Variants in KCNQ1OT1 observed in about 807,000 individuals in gnomAD.
KCNQ1OT1 encodes the protein KCNQ1 opposite strand/antisense transcript 1.
At chr11:2,619,069 G>C in exon 1 of KCNQ1OT1, 1 of 398,408 alleles carries the variant, frequency 2.5e-6, no homozygotes, top group Non-Finnish European at 4.4e-6. Context: ...CTAACAGGTT[G>C]CTTTGTCAGA....
chr11:2,671,826 G>A lies in KCNQ1OT1; in HGVS notation n.28169C>T. On this transcript the variant is annotated non_coding_transcript_exon_variant, in exon 1 of 1. Transcript: ENST00000597346. The surrounding 1 kb of genome is among the most constrained non-coding windows in gnomAD (Gnocchi z 4.7). ...CCAAATAAATCCCTGCAACCCCACT[G>A]TGGTTATAGGTCTGAGCCTTCTGCC... 2.5e-6 allele frequency: 1 copy of A among 398,770 alleles called. No individual in the cohort carries two copies. The highest frequency in any genetic ancestry group is 4.4e-5 in the Admixed American group (1 of 22,746). The allele number at this position is 398,770 out of a possible 1,614,324, so 24.7% of individuals were successfully genotyped here. A position where few individuals can be genotyped will look rare whatever the true frequency, so the allele number is the denominator to read the frequency against.
chr11:2,626,297 C>T lies in KCNQ1OT1; in HGVS notation n.73698G>A, dbSNP rs886885189. 8 of 398,290 alleles carry T rather than the reference C, an allele frequency of 2.0e-5. No individual in the cohort carries two copies. The highest frequency in any genetic ancestry group is 3.5e-5 in the Non-Finnish European group (8 of 226,042). The allele number at this position is 398,290 out of a possible 1,614,324, so 24.7% of individuals were successfully genotyped here. A position where few individuals can be genotyped will look rare whatever the true frequency, so the allele number is the denominator to read the frequency against. ...TAGGTAAGGATCTCAACTTCATTCT[C>T]TTGAGTTAATTTTTGTGTATGGTAT... On this transcript the variant is annotated non_coding_transcript_exon_variant, in exon 1 of 1. Coordinates refer to ENST00000597346, the Ensembl canonical transcript of KCNQ1OT1. The surrounding 1 kb of genome is among the most constrained non-coding windows in gnomAD (Gnocchi z 4.0).
exon 1 of KCNQ1OT1, chr11:2,684,878 T>G (rs1488107837): frequency 7.5e-6 from 3 of 398,576 alleles, no homozygotes; most frequent in Non-Finnish European, 1.3e-5. Flanking sequence ...GACAAAAGTT[T>G]TAGATTCTTT....
At chr11:2,629,018 A>C (rs560868633) in exon 1 of KCNQ1OT1, 4 of 398,174 alleles carry the variant, frequency 1.0e-5, no homozygotes, top group African/African-American at 2.1e-5. Context: ...CAAAATAAGC[A>C]TGTGTAATAT....
Position 2,651,834 on chromosome 11 carries a change from C to T in KCNQ1OT1, n.48161G>A, listed in dbSNP as rs1029180679. Reference sequence around the variant, plus strand: ...TTGGAATGGAGCCCACAGGACCATACCAGACAGATGCCACCACATCTTTTC... The same window carrying T: ...TTGGAATGGAGCCCACAGGACCATATCAGACAGATGCCACCACATCTTTTC... On this transcript the variant is annotated non_coding_transcript_exon_variant, in exon 1 of 1. Coordinates refer to ENST00000597346, the Ensembl canonical transcript of KCNQ1OT1. This position sits in a 1 kb window ranked among gnomAD's most constrained non-coding sequence, Gnocchi z 6.1. 1.3e-5 allele frequency: 5 copies of T among 398,540 alleles called. No homozygotes were observed. The highest frequency in any genetic ancestry group is 2.2e-5 in the Non-Finnish European group (5 of 226,102). 24.7% of individuals were successfully genotyped at this position (398,540 alleles called of 1,614,324 possible). A position where few individuals can be genotyped will look rare whatever the true frequency, so the allele number is the denominator to read the frequency against.
At position 2,663,556 on chromosome 11, in the gene KCNQ1OT1, T is replaced by G. The variant is rs1850008276; in HGVS notation, n.36439A>C. 1 of 398,678 alleles carries G rather than the reference T, an allele frequency of 2.5e-6. No individual in the cohort carries two copies. Among genetic ancestry groups the G allele is most frequent in the Non-Finnish European group, 4.4e-6 (1 of 226,086 alleles). 24.7% of individuals were successfully genotyped at this position (398,678 alleles called of 1,614,324 possible). A position where few individuals can be genotyped will look rare whatever the true frequency, so the allele number is the denominator to read the frequency against. On this transcript the variant is annotated non_coding_transcript_exon_variant, in exon 1 of 1. Coordinates refer to ENST00000597346, the Ensembl canonical transcript of KCNQ1OT1. The surrounding 1 kb of genome is among the most constrained non-coding windows in gnomAD (Gnocchi z 5.2). ...GAGAGGGGACTGTCCCTTCTCATCCTTCTGGCTGCTTGCTTCTCCTGTTGG... is the reference window on the plus strand; with the variant it reads ...GAGAGGGGACTGTCCCTTCTCATCCGTCTGGCTGCTTGCTTCTCCTGTTGG...
In KCNQ1OT1 at chr11:2,658,549, A is replaced by T. The variant is rs1253517088; in HGVS notation, n.41446T>A. Reference sequence around the variant, plus strand: ...GCTCATCTTTTATTTTCCCTACCCTAGCCCTAGAATCATCCATTCATCCAG... The same window carrying T: ...GCTCATCTTTTATTTTCCCTACCCTTGCCCTAGAATCATCCATTCATCCAG... On this transcript the variant is annotated non_coding_transcript_exon_variant, in exon 1 of 1. Coordinates refer to ENST00000597346, the Ensembl canonical transcript of KCNQ1OT1. This position sits in a 1 kb window ranked among gnomAD's most constrained non-coding sequence, Gnocchi z 4.9. 114 of 389,090 alleles carry T rather than the reference A, an allele frequency of 2.9e-4. No homozygotes were observed. In the East Asian group the frequency reaches 4.1e-3, roughly 14 times the overall value. The allele number at this position is 389,090 out of a possible 1,614,324, so 24.1% of individuals were successfully genotyped here.
In KCNQ1OT1 at chr11:2,609,293, A is replaced by G. The variant is rs112101582; in HGVS notation, n.90702T>C. The G allele has an allele frequency of 6.8e-3, 2,701 of 398,326 alleles. 57 individuals are homozygous for G. Among genetic ancestry groups the G allele is most frequent in the South Asian group, 0.054 (424 of 7,854 alleles). The allele number at this position is 398,326 out of a possible 1,614,324, so 24.7% of individuals were successfully genotyped here. On this transcript the variant is annotated non_coding_transcript_exon_variant, in exon 1 of 1. Transcript: ENST00000597346. ...TTCTTTCACCCATTGATTATTTAAG[A>G]ATGTAGTGTTGTTTAATTTCCACAT...
In KCNQ1OT1 at chr11:2,678,946, A is replaced by G. The variant is rs1244694023; in HGVS notation, n.21049T>C. 2 of 398,488 alleles carry G rather than the reference A, an allele frequency of 5.0e-6. No individual in the cohort carries two copies. The highest frequency in any genetic ancestry group is 8.8e-6 in the Non-Finnish European group (2 of 226,070). The allele number at this position is 398,488 out of a possible 1,614,324, so 24.7% of individuals were successfully genotyped here. On this transcript the variant is annotated non_coding_transcript_exon_variant, in exon 1 of 1. Coordinates refer to ENST00000597346, the Ensembl canonical transcript of KCNQ1OT1. This position sits in a 1 kb window ranked among gnomAD's most constrained non-coding sequence, Gnocchi z 4.9. ...CATCTTGGAAAAACTGAATTTGCTAACTCAATAGAGAACAAAAGAGCAAAT... is the reference window on the plus strand; with the variant it reads ...CATCTTGGAAAAACTGAATTTGCTAGCTCAATAGAGAACAAAAGAGCAAAT...
At position 2,682,637 on chromosome 11, in the gene KCNQ1OT1, C is replaced by A; in HGVS notation, n.17358G>T. On this transcript the variant is annotated non_coding_transcript_exon_variant, in exon 1 of 1. Transcript: ENST00000597346. This position sits in a 1 kb window ranked among gnomAD's most constrained non-coding sequence, Gnocchi z 5.8. ...AGAGCTCTTCTTCAGGCTCAGTCAT[C>A]CCTGCTTCCCCAGGGCTCATGTCCA... 2 of 398,632 alleles carry A rather than the reference C, an allele frequency of 5.0e-6. No individual in the cohort carries two copies. Among genetic ancestry groups the A allele is most frequent in the Non-Finnish European group, 8.8e-6 (2 of 226,082 alleles). The allele number at this position is 398,632 out of a possible 1,614,324, so 24.7% of individuals were successfully genotyped here. A position where few individuals can be genotyped will look rare whatever the true frequency, so the allele number is the denominator to read the frequency against.
chr11:2,691,109 G>A lies in KCNQ1OT1; in HGVS notation n.8886C>T, dbSNP rs1339129631. ...CCTGCAGATTCCTGACAACAGTAGG[G>A]GTGGAGGCTGTGCAGACCTGGTGCA... On this transcript the variant is annotated non_coding_transcript_exon_variant, in exon 1 of 1. Transcript: ENST00000597346. The surrounding 1 kb of genome is among the most constrained non-coding windows in gnomAD (Gnocchi z 6.4). The A allele has an allele frequency of 5.0e-6, 2 of 398,558 alleles. No individual in the cohort carries two copies. Among genetic ancestry groups the A allele is most frequent in the Non-Finnish European group, 8.8e-6 (2 of 226,126 alleles). 24.7% of individuals were successfully genotyped at this position (398,558 alleles called of 1,614,324 possible). A position where few individuals can be genotyped will look rare whatever the true frequency, so the allele number is the denominator to read the frequency against.
Position 2,691,388 on chromosome 11 carries a change from A to G in KCNQ1OT1, n.8607T>C, listed in dbSNP as rs1850585296. ...TGGGCTCAGGCCTCTGGGTCTGGGC[A>G]TAGAAGCCCAGGAACTGCTGTCTGT... is the stretch of plus-strand genomic sequence containing the variant. On this transcript the variant is annotated non_coding_transcript_exon_variant, in exon 1 of 1. Coordinates refer to ENST00000597346, the Ensembl canonical transcript of KCNQ1OT1. This position sits in a 1 kb window ranked among gnomAD's most constrained non-coding sequence, Gnocchi z 6.4. 1.8e-5 allele frequency: 7 copies of G among 398,668 alleles called. No homozygotes were observed. The East Asian group carries it at 2.5e-4, about 14-fold the overall frequency. The allele number at this position is 398,668 out of a possible 1,614,324, so 24.7% of individuals were successfully genotyped here.
rs1848982880 is a variant in KCNQ1OT1 at position 2,611,785 on chromosome 11, C to T, written n.88210G>A. 2.5e-6 allele frequency: 1 copy of T among 398,200 alleles called. No homozygotes were observed. Among genetic ancestry groups the T allele is most frequent in the South Asian group, 1.3e-4 (1 of 7,814 alleles). 24.7% of individuals were successfully genotyped at this position (398,200 alleles called of 1,614,324 possible). A position where few individuals can be genotyped will look rare whatever the true frequency, so the allele number is the denominator to read the frequency against. ...CTATATGTCTCATATCACTTTTGTT[C>T]CTCTCTTCCTCCTTTACTGCCTTCT... On this transcript the variant is annotated non_coding_transcript_exon_variant, in exon 1 of 1. Coordinates refer to ENST00000597346, the Ensembl canonical transcript of KCNQ1OT1. The surrounding 1 kb of genome is among the most constrained non-coding windows in gnomAD (Gnocchi z 5.3).
At position 2,664,843 on chromosome 11, in the gene KCNQ1OT1, C is replaced by T. The variant is rs1221585004; in HGVS notation, n.35152G>A. On this transcript the variant is annotated non_coding_transcript_exon_variant, in exon 1 of 1. Coordinates refer to ENST00000597346, the Ensembl canonical transcript of KCNQ1OT1. This position sits in a 1 kb window ranked among gnomAD's most constrained non-coding sequence, Gnocchi z 5.1. ...ATTCTACTGATGTTAAATGTATTAC[C>T]ATGCTGGGCCAGTTCCAGAATTCAA... 5.0e-6 allele frequency: 2 copies of T among 398,520 alleles called. No individual in the cohort carries two copies. The highest frequency in any genetic ancestry group is 4.4e-6 in the Non-Finnish European group (1 of 226,074). The allele number at this position is 398,520 out of a possible 1,614,324, so 24.7% of individuals were successfully genotyped here.
exon 1 of KCNQ1OT1, chr11:2,689,110 C>T: frequency 2.5e-6 from 1 of 398,780 alleles, no homozygotes. Flanking sequence ...TGGCCCAAGG[C>T]CTGCCCTGGT....
In KCNQ1OT1 at chr11:2,642,648, AG is replaced by A. The variant is rs1378170982; in HGVS notation, n.57346del. On this transcript the variant is annotated non_coding_transcript_exon_variant, in exon 1 of 1. Coordinates refer to ENST00000597346, the Ensembl canonical transcript of KCNQ1OT1. The surrounding 1 kb of genome is among the most constrained non-coding windows in gnomAD (Gnocchi z 4.3). ...TTTCATTGATCCTTTATATTTATTT[AG>A]TTTCTTGTTTAGTTCTGCTCTGATC... 5.8e-5 allele frequency: 23 copies of A among 397,226 alleles called. No individual in the cohort carries two copies. Among genetic ancestry groups the A allele is most frequent in the Non-Finnish European group, 9.3e-5 (21 of 225,488 alleles). The allele number at this position is 397,226 out of a possible 1,614,324, so 24.6% of individuals were successfully genotyped here. A position where few individuals can be genotyped will look rare whatever the true frequency, so the allele number is the denominator to read the frequency against.
exon 1 of KCNQ1OT1, chr11:2,650,251 G>A: frequency 2.5e-6 from 1 of 398,442 alleles, no homozygotes; most frequent in Non-Finnish European, 4.4e-6. Flanking sequence ...GTTTCCTTAA[G>A]ATTTCCTTTA....
At chr11:2,634,320 TCCC>T (rs1195451890) in exon 1 of KCNQ1OT1, 2 of 165,106 alleles carry the variant, frequency 1.2e-5, no homozygotes, top group Non-Finnish European at 2.1e-5. Flanking sequence ...CCCTCCCCCC[TCCC>T]CCCTCCCCCC....
chr11:2,613,139 G>C lies in KCNQ1OT1; in HGVS notation n.86856C>G, dbSNP rs1849008402. On this transcript the variant is annotated non_coding_transcript_exon_variant, in exon 1 of 1. Transcript: ENST00000597346. The surrounding 1 kb of genome is among the most constrained non-coding windows in gnomAD (Gnocchi z 4.8). ...GCCAGTGAATCTTCCACCCTCTGCT[G>C]AGGGGATCTATGTGTGGGTTGGGAC... 2.5e-6 allele frequency: 1 copy of C among 398,494 alleles called. No individual in the cohort carries two copies. Among genetic ancestry groups the C allele is most frequent in the Non-Finnish European group, 4.4e-6 (1 of 226,098 alleles). The allele number at this position is 398,494 out of a possible 1,614,324, so 24.7% of individuals were successfully genotyped here.
Sources: gnomAD v4.1 joint callset for allele counts on GRCh38, gnomAD v4.1.1 for gene constraint, Gnocchi (gnomAD v3.1) non-coding constraint, MANE v1.5 for transcripts, NCBI Gene and HGNC (gene_info 2026-07-23, HGNC 2026-07-21) for gene names.